The following CSMD1 variants were observed in gnomAD, a reference collection of about 807,000 sequenced individuals.
The protein encoded by CSMD1 is CUB and Sushi multiple domains 1.
In CSMD1, 213 loss-of-function variants were observed where a neutral mutation model predicts 417.5. The observed-to-expected ratio is 0.51, with a 90% CI of 0.46 to 0.57. The LOEUF (loss-of-function observed/expected upper bound fraction) is 0.57, where lower values mean the gene tolerates loss of function less well. CSMD1 is among the 20% of genes least tolerant of loss of function. The pLI is 0.00. For synonymous variants in CSMD1, 2,862 were observed against 1,736.8 expected, an observed-to-expected ratio of 1.65 and a Z score of -16.11; for missense variants, 6,923 against 4,529.7, an observed-to-expected ratio of 1.53 and a Z score of -15.17.
intron 52 of CSMD1, among the ~76,000 whole-genome samples, chr8:3,001,655 C>A (rs952149191): frequency 4.5e-4 from 69 of 152,016 alleles, no homozygotes; most frequent in Non-Finnish European, 1.2e-4. Context: ...GTGAGAGTAC[C>A]CGTATTCTAA....
At chr8:4,263,191 G>A (rs749724946) in intron 3 of CSMD1, among the ~76,000 whole-genome samples, 19 of 149,724 alleles carry the variant, frequency 1.3e-4, no homozygotes, top group African/African-American at 2.4e-4. Context: ...TTCTAGTGCC[G>A]TGTATTCTAG....
intron 5 of CSMD1, among the ~76,000 whole-genome samples, chr8:3,799,310 A>C (rs569643176): frequency 6.6e-6 from 1 of 151,584 alleles, no homozygotes; most frequent in East Asian, 2.0e-4. Context: ...GGTTTGTTAC[A>C]TATGTACACA....
In CSMD1 at chr8:4,026,857, G is replaced by C. The variant is rs537612558; in HGVS notation, c.610+5048C>G. On this transcript the variant is annotated intron_variant, in intron 4 of 69. Coordinates refer to ENST00000635120, the MANE Select transcript of CSMD1 (RefSeq NM_033225.6). ...AGACTCTGTGGCAGTGTAAAAACCT[G>C]AGCAAAAGTTTGGAATTTGGCAAGG... Among the ~76,000 whole-genome samples, 9 of 152,304 alleles carry C rather than the reference G, an allele frequency of 5.9e-5. No homozygotes were observed. The South Asian group carries it at 1.9e-3, about 32-fold the overall frequency.
At chr8:3,322,945 G>A (rs1467558249) in intron 23 of CSMD1, among the ~76,000 whole-genome samples, 1 of 151,788 alleles carries the variant, frequency 6.6e-6, no homozygotes, top group African/African-American at 2.4e-5. Context: ...TTTTGTTTTT[G>A]TTTTTGTTTT....
intron 3 of CSMD1, among the ~76,000 whole-genome samples, chr8:4,367,867 G>A (rs147754159): frequency 1.3e-5 from 2 of 152,218 alleles, no homozygotes; most frequent in East Asian, 3.9e-4. Flanking sequence ...CTTCGATAGG[G>A]TATAGAAATG....
intron 12 of CSMD1, among the ~76,000 whole-genome samples, chr8:3,466,048 C>T (rs1816775324): frequency 6.6e-6 from 1 of 152,110 alleles, no homozygotes; most frequent in South Asian, 2.1e-4. Context: ...ATAATGAAAA[C>T]ATCATGTTTG....
chr8:4,289,818 CAAACT>C (rs1360239978), intron 3 of CSMD1, among the ~76,000 whole-genome samples: 1 of 152,152 alleles, frequency 6.6e-6, no homozygotes, highest in Non-Finnish European at 1.5e-5. Flanking sequence ...CATGTGTTCA[CAAACT>C]AATCTAATGT....
chr8:3,807,205 G>A (rs971451306), intron 5 of CSMD1, among the ~76,000 whole-genome samples: 6 of 152,100 alleles, frequency 3.9e-5, no homozygotes, highest in Non-Finnish European at 7.4e-5. Context: ...TTTTCATGAA[G>A]AAGCCAGGAC....
intron 5 of CSMD1, among the ~76,000 whole-genome samples, chr8:3,859,173 A>G (rs1007397374): frequency 6.6e-6 from 1 of 152,172 alleles, no homozygotes. Flanking sequence ...CAGACACACA[A>G]CAGGCTCTCT....
chr8:4,588,992 T>C (rs1204194702), intron 2 of CSMD1, among the ~76,000 whole-genome samples: 2 of 152,102 alleles, frequency 1.3e-5, no homozygotes, highest in Non-Finnish European at 2.9e-5. Context: ...TAATATACAT[T>C]ATATAAACAC....
intron 3 of CSMD1, among the ~76,000 whole-genome samples, chr8:4,241,218 C>G (rs2128821740): frequency 6.6e-6 from 1 of 152,314 alleles, no homozygotes; most frequent in South Asian, 2.1e-4. Context: ...TGACTTGTAG[C>G]ACACTAGAAT....
At chr8:4,379,567 G>A (rs1802969400) in intron 3 of CSMD1, among the ~76,000 whole-genome samples, 2 of 152,286 alleles carry the variant, frequency 1.3e-5, no homozygotes, top group South Asian at 2.1e-4. Flanking sequence ...ATTTTGTGGT[G>A]TCTAAAATTA....
Position 2,964,200 on chromosome 8 carries a change from T to C in CSMD1, c.9281-805A>G, listed in dbSNP as rs111693244. Among the ~76,000 whole-genome samples the C allele has an allele frequency of 2.1e-3, 320 of 152,342 alleles. 1 individual carries two copies. The highest frequency in any genetic ancestry group is 7.4e-3 in the African/African-American group (307 of 41,584). On this transcript the variant is annotated intron_variant, in intron 59 of 69. Transcript: ENST00000635120. ...GAAGGCACTACAAAAGAACAACCGC[T>C]TGCATTTTGTGTGTTCAGGCTCATG...
At chr8:3,834,947 G>A (rs1032205278) in intron 5 of CSMD1, among the ~76,000 whole-genome samples, 4 of 151,974 alleles carry the variant, frequency 2.6e-5, no homozygotes, top group African/African-American at 7.3e-5. Context: ...CATTTAGGCA[G>A]TCAAAAAACA....
chr8:3,588,791 C>T, intron 8 of CSMD1, among the ~76,000 whole-genome samples: 1 of 152,060 alleles, frequency 6.6e-6, no homozygotes, highest in East Asian at 1.9e-4. Flanking sequence ...AGTGAAGAGA[C>T]ACCCTGCAGA....
intron 1 of CSMD1, among the ~76,000 whole-genome samples, chr8:4,938,636 G>A (rs1270890769): frequency 6.6e-6 from 1 of 152,232 alleles, no homozygotes; most frequent in African/African-American, 2.4e-5. Context: ...ACATAAACAC[G>A]TAGCTGTAAT....
intron 26 of CSMD1, among the ~76,000 whole-genome samples, chr8:3,234,520 T>C (rs1204089553): frequency 2.0e-5 from 3 of 151,920 alleles, no homozygotes; most frequent in Non-Finnish European, 4.4e-5. Context: ...GGTTTCGGAG[T>C]AGGTTTTTCA....
At chr8:4,704,533 T>C (rs1470710637) in intron 1 of CSMD1, among the ~76,000 whole-genome samples, 4 of 152,230 alleles carry the variant, frequency 2.6e-5, no homozygotes, top group African/African-American at 9.6e-5. Context: ...TTCAGTGCCA[T>C]TATACAGAAA....
At chr8:4,311,782 G>C (rs539722597) in intron 3 of CSMD1, among the ~76,000 whole-genome samples, 14 of 150,362 alleles carry the variant, frequency 9.3e-5, no homozygotes, top group Non-Finnish European at 2.1e-4. Flanking sequence ...GGAACACATA[G>C]AGGGGAACAA....
Sources: gnomAD v4.1 joint callset for allele counts (sites outside exome capture counted in the v4.1 genomes callset) on GRCh38, gnomAD v4.1.1 for gene constraint, MANE v1.5 for transcripts, NCBI Gene and HGNC (gene_info 2026-07-23, HGNC 2026-07-21) for gene names.